The following DLAT variants were observed in gnomAD, a reference collection of about 807,000 sequenced individuals.
DLAT encodes the protein dihydrolipoamide S-acetyltransferase, also known as dihydrolipoyllysine-residue acetyltransferase component of pyruvate dehydrogenase complex, mitochondrial.
In DLAT, 43 loss-of-function variants were observed where a neutral mutation model predicts 68.0. The observed-to-expected ratio is 0.63, with a 90% CI of 0.50 to 0.81. DLAT has a LOEUF of 0.81. DLAT is among the 40% of genes least tolerant of loss of function. DLAT has a pLI of 0.00. For synonymous variants in DLAT, 265 were observed against 288.6 expected, an observed-to-expected ratio of 0.92 and a Z score of 0.83; for missense variants, 745 against 815.4, an observed-to-expected ratio of 0.91 and a Z score of 1.05.
intron 11 of DLAT, among the ~76,000 whole-genome samples, chr11:112,056,558 C>T (rs587601329): frequency 6.6e-6 from 1 of 152,274 alleles, no homozygotes; most frequent in Non-Finnish European, 1.5e-5. Context: ...TTAATCGTAT[C>T]AATATACCTC....
At chr11:112,037,919 A>C (rs1278321742) in intron 6 of DLAT, among the ~76,000 whole-genome samples, 2 of 151,878 alleles carry the variant, frequency 1.3e-5, no homozygotes, top group African/African-American at 4.8e-5. Flanking sequence ...CTTGTTATTG[A>C]CTTAGTAGGT....
chr11:112,040,110 G>A (rs1218749058), intron 7 of DLAT, among the ~76,000 whole-genome samples: 3 of 152,162 alleles, frequency 2.0e-5, no homozygotes, highest in African/African-American at 7.2e-5. Flanking sequence ...TAGCATATAA[G>A]TACTCAATAC....
chr11:112,043,663 A>G (rs1555181206), intron 8 of DLAT, 130 bp downstream of exon 8: 1 of 923,742 alleles, frequency 1.1e-6, no homozygotes, highest in Non-Finnish European at 1.8e-6. Flanking sequence ...GTTTAATAAT[A>G]CAGTCATCCC....
chr11:112,057,782 G>GATATCCCTCATCAGTCGGCAGCC lies in DLAT; in HGVS notation c.1515-2118_1515-2096dup, dbSNP rs370838258. 5.9e-3 allele frequency among the ~76,000 whole-genome samples: 902 copies of GATATCCCTCATCAGTCGGCAGCC among 152,264 alleles called. 8 individuals are homozygous for GATATCCCTCATCAGTCGGCAGCC. Among genetic ancestry groups the GATATCCCTCATCAGTCGGCAGCC allele is most frequent in the African/African-American group, 0.02 (851 of 41,548 alleles). On this transcript the variant is annotated intron_variant, in intron 11 of 13. Coordinates refer to ENST00000280346, the MANE Select transcript of DLAT (RefSeq NM_001931.5). ...TTCAGAAGATACAGCTAAGATAATTGATATCCCTCATCAGTCGGCAGCCAT... is the reference window on the plus strand; with the variant it reads ...TTCAGAAGATACAGCTAAGATAATTGATATCCCTCATCAGTCGGCAGCCATATCCCTCATCAGTCGGCAGCCAT...
intron 11 of DLAT, among the ~76,000 whole-genome samples, chr11:112,058,324 A>G (rs1184345306): frequency 6.6e-6 from 1 of 152,180 alleles, no homozygotes; most frequent in Non-Finnish European, 1.5e-5. Context: ...GTGGTAATTA[A>G]TGAGTCATAC....
At position 112,037,445 on chromosome 11, in the gene DLAT, A is replaced by G; in HGVS notation, c.960A>G (p.Pro320=). 6.2e-7 allele frequency: 1 copy of G among 1,613,798 alleles called. No homozygotes were observed. The highest frequency in any genetic ancestry group is 1.1e-5 in the South Asian group (1 of 91,084). The change falls in exon 6 of 14, where the codon CCA becomes CCG. Residue 320 remains proline, a synonymous_variant. Coordinates refer to ENST00000280346, the MANE Select transcript of DLAT (RefSeq NM_001931.5). ...CAGATTTAAAACCACAAGTGCCACCACCTACCCCACCCCCGGTAGGTATGC... is the reference window on the plus strand; with the variant it reads ...CAGATTTAAAACCACAAGTGCCACCGCCTACCCCACCCCCGGTAGGTATGC... ...EVTDLKPQVP[P]PTPPPVAAVP...
At chr11:112,059,831 A>G in intron 11 of DLAT, 72 bp from the exon 12 acceptor site, 1 of 1,343,080 alleles carries the variant, frequency 7.4e-7, no homozygotes, top group Non-Finnish European at 1.0e-6. Flanking sequence ...AAATATAAAT[A>G]TTCTTGCTTA....
intron 11 of DLAT, among the ~76,000 whole-genome samples, chr11:112,053,899 TTTAG>T (rs1863821589): frequency 5.9e-5 from 9 of 152,294 alleles, no homozygotes; most frequent in African/African-American, 2.2e-4. Context: ...AATATTTAGC[TTTAG>T]CTCCAGTCTT....
At chr11:112,054,287 T>TC (rs1863866460) in intron 11 of DLAT, among the ~76,000 whole-genome samples, 2 of 152,190 alleles carry the variant, frequency 1.3e-5, no homozygotes, top group East Asian at 3.9e-4. Context: ...GCCACTGCAC[T>TC]CCAGCCTGAG....
At chr11:112,042,458 T>C (rs1863098512) in intron 7 of DLAT, among the ~76,000 whole-genome samples, 1 of 152,164 alleles carries the variant, frequency 6.6e-6, no homozygotes, top group South Asian at 2.1e-4. Context: ...CTAGTGAGGA[T>C]AAATACAATC....
At chr11:112,027,873 A>G (rs1380506354) in intron 2 of DLAT, among the ~76,000 whole-genome samples, 1 of 151,372 alleles carries the variant, frequency 6.6e-6, no homozygotes, top group African/African-American at 2.4e-5. Flanking sequence ...TCGGCTCAGC[A>G]TCAGAGGGAG....
Position 112,033,508 on chromosome 11 carries a change from A to G in DLAT, c.765A>G (p.Ile255Met). The G allele has an allele frequency of 3.1e-6, 5 of 1,613,912 alleles. No homozygotes were observed. Among genetic ancestry groups the G allele is most frequent in the Non-Finnish European group, 3.4e-6 (4 of 1,179,866 alleles). ...GTGAAGGAGACTTACTGGCAGAGAT[A>G]GAAACTGACAAAGCCACTATAGGTG... ...KLSEGDLLAE[I>M]ETDKATIGFE... The change falls in exon 5 of 14, where the codon ATA (isoleucine) becomes ATG (methionine). Residue 255 changes from isoleucine to methionine, a missense_variant. Ile to Met is a conservative substitution (Grantham distance 10, BLOSUM62 1). Transcript: ENST00000280346.
At chr11:112,027,921 GGGAGAGGGAGAC>G (rs1431121954) in intron 2 of DLAT, among the ~76,000 whole-genome samples, 4 of 151,914 alleles carry the variant, frequency 2.6e-5, no homozygotes, top group Non-Finnish European at 4.4e-5. Context: ...CGTGGGGAGA[GGGAGAGGGAGAC>G]GGAGAGGGAG....
intron 10 of DLAT, among the ~76,000 whole-genome samples, chr11:112,048,681 G>A (rs868941429): frequency 6.6e-6 from 1 of 151,810 alleles, no homozygotes; most frequent in African/African-American, 2.4e-5. Flanking sequence ...TTACAGGTAT[G>A]AGCCACCAGG....
In DLAT at chr11:112,052,415, A is replaced by G. The variant is rs1254487257; in HGVS notation, c.1514+1066A>G. Among the ~76,000 whole-genome samples, 3 of 152,216 alleles carry G rather than the reference A, an allele frequency of 2.0e-5. No homozygotes were observed. The East Asian group carries it at 5.8e-4, about 29-fold the overall frequency. ...TGTAGGCCACTCATACTTGTAACTG[A>G]CTGGCTACAAACTTGTTGCTGTGAC... On this transcript the variant is annotated intron_variant, in intron 11 of 13. Transcript: ENST00000280346.
In DLAT at chr11:112,064,307, C is replaced by T. The variant is rs1442139353; in HGVS notation, c.*1772C>T. On this transcript the variant is annotated 3_prime_UTR_variant, in exon 14 of 14. Transcript: ENST00000280346. The stretch of plus-strand genomic sequence containing the variant: ...GAGCTATAATCTAAATCGATTCAGT[C>T]TCTTACCAGAACTGAAAGAAAAAAG... 2.6e-6 allele frequency: 3 copies of T among 1,160,502 alleles called. No individual in the cohort carries two copies. Among genetic ancestry groups the T allele is most frequent in the Non-Finnish European group, 3.5e-6 (3 of 853,142 alleles). The allele number at this position is 1,160,502 out of a possible 1,614,324, so 71.9% of individuals were successfully genotyped here.
chr11:112,060,402 C>T (rs1368303160), intron 12 of DLAT, among the ~76,000 whole-genome samples: 3 of 151,698 alleles, frequency 2.0e-5, no homozygotes, highest in African/African-American at 4.8e-5. Flanking sequence ...CCTTGTGATC[C>T]GCCTGCCTCA....
chr11:112,061,052 G>A lies in DLAT; in HGVS notation c.1692G>A (p.Thr564=), dbSNP rs185907405. ...QPHEFQGGTF[T]ISNLGMFGIK... ...TTTTCCTCTAGGGTGGCACTTTTAC[G>A]ATCTCCAATTTAGGAATGTTTGGAA... Residue 564 remains threonine (T), a synonymous_variant, in exon 13 of 14, where the codon ACG becomes ACA. Transcript: ENST00000280346. The A allele has an allele frequency of 4.4e-5, 71 of 1,601,940 alleles. No homozygotes were observed. Among genetic ancestry groups the A allele is most frequent in the Admixed American group, 3.6e-4 (21 of 58,910 alleles).
intron 5 of DLAT, among the ~76,000 whole-genome samples, chr11:112,034,513 G>A (rs1862586504): frequency 6.6e-6 from 1 of 151,568 alleles, no homozygotes; most frequent in South Asian, 2.1e-4. Context: ...CGCAGTCTCA[G>A]CTCACTGCAA....
Sources: gnomAD v4.1 joint callset for allele counts (sites outside exome capture counted in the v4.1 genomes callset) on GRCh38, gnomAD v4.1.1 for gene constraint, MANE v1.5 for transcripts, NCBI Gene and HGNC (gene_info 2026-07-23, HGNC 2026-07-21) for gene names.